PLCL1: variants seen among roughly 807,000 people sequenced by gnomAD.
The protein encoded by PLCL1 is phospholipase C like 1 (inactive).
PLCL1 carries 41 observed loss-of-function variants against 84.4 expected under a neutral mutation model. The observed-to-expected ratio is 0.49, with a 90% CI of 0.38 to 0.63. PLCL1 has a LOEUF of 0.63. Among genes scored for constraint, PLCL1 ranks in the 30% least tolerant of loss-of-function variants. The pLI, the probability that PLCL1 is intolerant of heterozygous loss-of-function variation, is 0.00. For missense variants in PLCL1, 1,206 were observed against 1,367.8 expected (o/e 0.88, Z 1.87); for synonymous variants, 490 against 488.3 (o/e 1.00, Z -0.05).
intron 1 of PLCL1, among the ~76,000 whole-genome samples, chr2:198,021,777 C>A (rs145616673): frequency 0.023 from 3,534 of 152,174 alleles, 66 homozygotes; most frequent in Middle Eastern, 0.041. Flanking sequence ...AAAAAAAGAC[C>A]AGGACCAGAC....
At position 197,866,034 on chromosome 2, in the gene PLCL1, A is replaced by AT. The variant is rs1215315731; in HGVS notation, c.240+60695_240+60696insT. Among the ~76,000 whole-genome samples, 56 of 41,722 alleles carry AT rather than the reference A, an allele frequency of 1.3e-3. 1 individual carries two copies. Among genetic ancestry groups the AT allele is most frequent in the African/African-American group, 1.7e-3 (7 of 4,164 alleles). 27.4% of individuals were successfully genotyped at this position (41,722 alleles called of 152,430 possible). A position where few individuals can be genotyped will look rare whatever the true frequency, so the allele number is the denominator to read the frequency against. On this transcript the variant is annotated intron_variant, in intron 1 of 5. Coordinates refer to ENST00000428675, the MANE Select transcript of PLCL1 (RefSeq NM_006226.4). Reference sequence around the variant, plus strand: ...CCAAAAAAAAAAAAAAAAAAAAAAAAAAATATATATATATATATACACACA... The same window carrying AT: ...CCAAAAAAAAAAAAAAAAAAAAAAAATAAATATATATATATATATACACACA...
intron 1 of PLCL1, among the ~76,000 whole-genome samples, chr2:197,877,371 T>C (rs1428362416): frequency 1.3e-5 from 2 of 152,090 alleles, no homozygotes; most frequent in Non-Finnish European, 2.9e-5. Flanking sequence ...CCTGTGTTTA[T>C]AAGGGCTTTT....
At chr2:197,913,547 A>G (rs1357808192) in intron 1 of PLCL1, among the ~76,000 whole-genome samples, 1 of 152,198 alleles carries the variant, frequency 6.6e-6, no homozygotes, top group Non-Finnish European at 1.5e-5. Context: ...GCATTCCCCT[A>G]CCAGGTTACA....
At chr2:197,831,729 A>T (rs1208746769) in intron 1 of PLCL1, among the ~76,000 whole-genome samples, 1 of 152,210 alleles carries the variant, frequency 6.6e-6, no homozygotes, top group African/African-American at 2.4e-5. Context: ...TCTTCTCAGC[A>T]CCACATAGCA....
chr2:198,071,527 A>T (rs1192806451), intron 1 of PLCL1, among the ~76,000 whole-genome samples: 1 of 151,762 alleles, frequency 6.6e-6, no homozygotes, highest in Non-Finnish European at 1.5e-5. Flanking sequence ...TAGTCATTTT[A>T]TTTGTCTATA....
chr2:197,943,353 GAC>G (rs573194217), intron 1 of PLCL1, among the ~76,000 whole-genome samples: 16 of 150,414 alleles, frequency 1.1e-4, no homozygotes, highest in African/African-American at 2.4e-4. Flanking sequence ...ACTTCTATAA[GAC>G]ACACACACAC....
At chr2:197,847,974 A>T (rs1161067492) in intron 1 of PLCL1, among the ~76,000 whole-genome samples, 1 of 152,214 alleles carries the variant, frequency 6.6e-6, no homozygotes, top group Non-Finnish European at 1.5e-5. Context: ...GTGTTTTCCT[A>T]TCCTTTCCTC....
At chr2:198,078,644 G>A (rs972811152) in intron 1 of PLCL1, among the ~76,000 whole-genome samples, 3 of 152,034 alleles carry the variant, frequency 2.0e-5, no homozygotes, top group Middle Eastern at 3.4e-3. Flanking sequence ...TTGACAACTG[G>A]TGTTTTGATT....
chr2:198,138,661 T>C (rs1694313079), intron 5 of PLCL1, among the ~76,000 whole-genome samples: 2 of 152,218 alleles, frequency 1.3e-5, no homozygotes, highest in Admixed American at 6.5e-5. Flanking sequence ...AATAATTTAC[T>C]CACCTTGGGT....
intron 1 of PLCL1, among the ~76,000 whole-genome samples, chr2:197,864,065 A>T (rs896759175): frequency 6.6e-6 from 1 of 152,174 alleles, no homozygotes; most frequent in African/African-American, 2.4e-5. Context: ...TAGCTCTCTA[A>T]CCATGTCCCT....
chr2:197,849,556 A>G (rs1687186484), intron 1 of PLCL1, among the ~76,000 whole-genome samples: 1 of 152,242 alleles, frequency 6.6e-6, no homozygotes, highest in African/African-American at 2.4e-5. Context: ...TGGAAATTAA[A>G]AAATAAATAT....
intron 1 of PLCL1, among the ~76,000 whole-genome samples, chr2:198,024,489 C>T (rs1017817608): frequency 2.6e-5 from 4 of 152,170 alleles, no homozygotes; most frequent in Middle Eastern, 3.2e-3. Flanking sequence ...AATTACTACA[C>T]GTGGTGGCTC....
At chr2:197,965,765 A>G (rs1488434870) in intron 1 of PLCL1, among the ~76,000 whole-genome samples, 1 of 152,180 alleles carries the variant, frequency 6.6e-6, no homozygotes, top group Non-Finnish European at 1.5e-5. Flanking sequence ...TTGTTTCAAA[A>G]AAATTTTCAG....
intron 1 of PLCL1, among the ~76,000 whole-genome samples, chr2:197,995,305 C>T (rs1476761116): frequency 6.6e-6 from 1 of 152,108 alleles, no homozygotes; most frequent in Non-Finnish European, 1.5e-5. Context: ...TCTTCTTCCA[C>T]TCCTTCAAAG....
chr2:197,954,169 GT>G (rs1163940657), intron 1 of PLCL1, among the ~76,000 whole-genome samples: 3 of 152,054 alleles, frequency 2.0e-5, no homozygotes, highest in Non-Finnish European at 4.4e-5. Context: ...AATGCCTTAT[GT>G]TTTTCCATAC....
chr2:197,865,278 A>T (rs1298432705), intron 1 of PLCL1, among the ~76,000 whole-genome samples: 4 of 152,160 alleles, frequency 2.6e-5, no homozygotes, highest in Non-Finnish European at 5.9e-5. Flanking sequence ...TATAATGGTG[A>T]GTTATAGGTT....
intron 1 of PLCL1, among the ~76,000 whole-genome samples, chr2:197,859,877 T>A (rs563315197): frequency 1.2e-3 from 180 of 152,304 alleles, no homozygotes; most frequent in African/African-American, 4.1e-3. Context: ...CTCTGTCTTT[T>A]AAAAAATTTT....
At chr2:198,080,507 G>T (rs916918704) in intron 1 of PLCL1, among the ~76,000 whole-genome samples, 1 of 152,080 alleles carries the variant, frequency 6.6e-6, no homozygotes, top group African/African-American at 2.4e-5. Context: ...CCTTCAGTCC[G>T]CTGAGGCACC....
chr2:197,862,756 C>G (rs1157239646), intron 1 of PLCL1, among the ~76,000 whole-genome samples: 1 of 152,106 alleles, frequency 6.6e-6, no homozygotes, highest in Non-Finnish European at 1.5e-5. Flanking sequence ...ACTGCTTGAT[C>G]TGGTGTGAGT....
Sources: gnomAD v4.1 joint callset for allele counts (sites outside exome capture counted in the v4.1 genomes callset) on GRCh38, gnomAD v4.1.1 for gene constraint, MANE v1.5 for transcripts, NCBI Gene and HGNC (gene_info 2026-07-23, HGNC 2026-07-21) for gene names.